ZGRF1: variants seen among roughly 807,000 people sequenced by gnomAD.
ZGRF1 encodes 5'-3' DNA helicase ZGRF1.
ZGRF1 carries 196 observed loss-of-function variants against 203.5 expected under a neutral mutation model. The ratio of observed to expected loss-of-function variants is 0.96; its 90% CI spans 0.86 to 1.08. The LOEUF (loss-of-function observed/expected upper bound fraction) is 1.08, where lower values mean the gene tolerates loss of function less well. Among genes scored for constraint, ZGRF1 ranks in the 50% least tolerant of loss-of-function variants. The probability of loss-of-function intolerance (pLI) is 0.00; values close to 1 mark genes in which losing one functional copy is unlikely to be tolerated. For missense variants in ZGRF1, 2,326 were observed against 2,416.3 expected (o/e 0.96, Z 0.78); for synonymous variants, 809 against 841.3 (o/e 0.96, Z 0.66).
At position 112,617,908 on chromosome 4, in the gene ZGRF1, G is replaced by A; in HGVS notation, c.2134C>T (p.Gln712Ter). ...SNLFSEDAQP[Q>*]PFILGSDLDK... ...AAGTCACTTCCCAAAATAAAAGGCTGAGGTTGAGCATCTTCTGAAAATAGA... is the reference window on the plus strand; with the variant it reads ...AAGTCACTTCCCAAAATAAAAGGCTAAGGTTGAGCATCTTCTGAAAATAGA... Residue 712 changes from glutamine to a stop codon, truncating the protein, a stop_gained, in exon 6 of 28, where the codon CAG (glutamine) becomes TAG (stop). Transcript: ENST00000505019. LOFTEE classifies it high-confidence loss of function. The A allele has an allele frequency of 6.2e-7, 1 of 1,613,790 alleles. No homozygotes were observed. The highest frequency in any genetic ancestry group is 8.5e-7 in the Non-Finnish European group (1 of 1,179,912).
chr4:112,616,106 A>G (rs2046860079), intron 6 of ZGRF1, among the ~76,000 whole-genome samples: 1 of 152,208 alleles, frequency 6.6e-6, no homozygotes, highest in African/African-American at 2.4e-5. Context: ...ATAAATTTGT[A>G]AAGGTTTCTT....
At chr4:112,549,212 A>G (rs963392714) in intron 22 of ZGRF1, among the ~76,000 whole-genome samples, 1 of 152,202 alleles carries the variant, frequency 6.6e-6, no homozygotes, top group Non-Finnish European at 1.5e-5. Flanking sequence ...TAAGTTACAC[A>G]TTATAGCAGC....
intron 10 of ZGRF1, among the ~76,000 whole-genome samples, chr4:112,596,597 T>C (rs1367577155): frequency 6.6e-6 from 1 of 152,006 alleles, no homozygotes; most frequent in East Asian, 1.9e-4. Flanking sequence ...ATCAGGATTT[T>C]TTTTTTTGTT....
chr4:112,597,226 A>G (rs1000110981), intron 10 of ZGRF1, among the ~76,000 whole-genome samples: 5 of 150,226 alleles, frequency 3.3e-5, no homozygotes, highest in Admixed American at 6.6e-5. Flanking sequence ...AAAAAAAAAA[A>G]AAAAAATTCT....
chr4:112,602,969 G>A (rs1237724027), intron 10 of ZGRF1, among the ~76,000 whole-genome samples: 2 of 152,056 alleles, frequency 1.3e-5, no homozygotes, highest in Non-Finnish European at 2.9e-5. Flanking sequence ...GGTTATATGA[G>A]TATGCTTTGT....
At position 112,584,009 on chromosome 4, in the gene ZGRF1, G is replaced by C. The variant is rs756039979; in HGVS notation, c.4267C>G (p.Pro1423Ala). Residue 1423 changes from proline to alanine, a missense_variant, in exon 15 of 28, where the codon CCA becomes GCA. By Grantham distance (27) the Pro-to-Ala change is conservative. Coordinates refer to ENST00000505019, the MANE Select transcript of ZGRF1 (RefSeq NM_018392.5). ...AAAAGCTGGCATTCCTCATAAAGTGGTATCTTTTGACTTCTTAAATATAAG... is the reference window on the plus strand; with the variant it reads ...AAAAGCTGGCATTCCTCATAAAGTGCTATCTTTTGACTTCTTAAATATAAG... ...IGLYLRSQKI[P>A]LYEECQLLVR... 3 of 1,607,388 alleles carry C rather than the reference G, an allele frequency of 1.9e-6. No individual in the cohort carries two copies. The highest frequency in any genetic ancestry group is 2.5e-6 in the Non-Finnish European group (3 of 1,177,858).
chr4:112,609,056 A>G (rs1751190948), intron 8 of ZGRF1, among the ~76,000 whole-genome samples: 1 of 151,790 alleles, frequency 6.6e-6, no homozygotes, highest in Admixed American at 6.6e-5. Context: ...ATAATTGGCT[A>G]ATTTTTTTTT....
chr4:112,607,252 T>G (rs2149109926), intron 8 of ZGRF1, among the ~76,000 whole-genome samples: 2 of 152,194 alleles, frequency 1.3e-5, no homozygotes, highest in South Asian at 4.1e-4. Context: ...ACCTCTTGAG[T>G]AACTGGGACT....
At chr4:112,621,794 C>A (rs549668717) in intron 4 of ZGRF1, among the ~76,000 whole-genome samples, 1 of 151,192 alleles carries the variant, frequency 6.6e-6, no homozygotes, top group East Asian at 2.0e-4. Flanking sequence ...ACAGCGCAAT[C>A]TCGGCTCACC....
chr4:112,565,022 C>T (rs1742758927), intron 16 of ZGRF1: 1 of 974,778 alleles, frequency 1.0e-6, no homozygotes, highest in Non-Finnish European at 1.7e-6. Flanking sequence ...CACAAATCAA[C>T]CGGTGGTAAA....
rs78754080 is a variant in ZGRF1 at position 112,563,029 on chromosome 4, G to A, written c.4582+102C>T. ...CAGGAACTCACTGTACACAACAGTC[G>A]AAACTAGAGTTGGGTCCTTTTTGTT... On this transcript the variant is annotated intron_variant, in intron 17 of 27. Transcript: ENST00000505019. 6,259 of 910,602 alleles carry A rather than the reference G, an allele frequency of 6.9e-3. 233 individuals are homozygous for A. In the East Asian group the frequency reaches 0.099, roughly 14 times the overall value. 56.4% of individuals were successfully genotyped at this position (910,602 alleles called of 1,614,324 possible). A position where few individuals can be genotyped will look rare whatever the true frequency, so the allele number is the denominator to read the frequency against.
intron 16 of ZGRF1, among the ~76,000 whole-genome samples, chr4:112,573,481 A>T (rs1417546111): frequency 2.0e-5 from 3 of 152,150 alleles, no homozygotes; most frequent in African/African-American, 7.2e-5. Context: ...TAGGTGTAGC[A>T]AAATCTCAGA....
In ZGRF1 at chr4:112,617,581, C is replaced by G; in HGVS notation, c.2461G>C (p.Gly821Arg). Residue 821 changes from glycine (G) to arginine (R), a missense_variant, in exon 6 of 28, where the codon GGA becomes CGA. By Grantham distance (125) the Gly-to-Arg change is moderately radical. Transcript: ENST00000505019. ...WNPRNSSELS[G>R]LVNTISILKS... is the part of the protein sequence containing the mutation. ...AAAATAGAAATGGTATTTACTAATC[C>G]AGAAAGTTCTGAAGAATTTCTAGGA... 6.2e-7 allele frequency: 1 copy of G among 1,613,786 alleles called. No homozygotes were observed. The highest frequency in any genetic ancestry group is 8.5e-7 in the Non-Finnish European group (1 of 1,179,902).
In ZGRF1 at chr4:112,618,901, C is replaced by A. The variant is rs2046974362; in HGVS notation, c.1141G>T (p.Glu381Ter). Reference protein sequence around the residue: ...IIQFVETYAEERKKYNVDQSV... With the variant: ...IIQFVETYAE ...TGGTCTACATTATACTTTTTCCTCT[C>A]TTCAGCATACGTTTCAACGAACTGT... Residue 381 changes from glutamate to a stop codon, truncating the protein, a stop_gained, in exon 6 of 28, where the codon GAG (glutamate) becomes TAG (stop). Coordinates refer to ENST00000505019, the MANE Select transcript of ZGRF1 (RefSeq NM_018392.5). LOFTEE classifies it high-confidence loss of function. 1 of 1,613,836 alleles carries A rather than the reference C, an allele frequency of 6.2e-7. No individual in the cohort carries two copies. Among genetic ancestry groups the A allele is most frequent in the Non-Finnish European group, 8.5e-7 (1 of 1,179,852 alleles).
At chr4:112,632,038 G>T in intron 2 of ZGRF1, 28 bp from the exon 3 acceptor site, 1 of 1,164,326 alleles carries the variant, frequency 8.6e-7, no homozygotes, top group Non-Finnish European at 1.2e-6. Flanking sequence ...AAAAGAAATG[G>T]TTTCCATTTA....
intron 14 of ZGRF1, 59 bp from the exon 15 acceptor site, chr4:112,584,233 A>AT: frequency 8.1e-7 from 1 of 1,240,046 alleles, no homozygotes; most frequent in Non-Finnish European, 1.1e-6. Flanking sequence ...TTTTTCGATT[A>AT]TTTTTGTGTT....
intron 3 of ZGRF1, among the ~76,000 whole-genome samples, chr4:112,624,726 T>G (rs2047175044): frequency 6.6e-6 from 1 of 152,180 alleles, no homozygotes; most frequent in Non-Finnish European, 1.5e-5. Context: ...TCTGTAGCCC[T>G]TTTTCATAGC....
At chr4:112,597,286 G>C (rs1209160123) in intron 10 of ZGRF1, among the ~76,000 whole-genome samples, 1 of 151,712 alleles carries the variant, frequency 6.6e-6, no homozygotes. Flanking sequence ...AGCACTTTGG[G>C]AGGCTGAGGC....
In ZGRF1 at chr4:112,540,129, G is replaced by A. The variant is rs187824172; in HGVS notation, c.5911-5C>T. The A allele has an allele frequency of 2.0e-6, 3 of 1,523,654 alleles. No homozygotes were observed. Among genetic ancestry groups the A allele is most frequent in the Non-Finnish European group, 2.7e-6 (3 of 1,131,656 alleles). The allele number at this position is 1,523,654 out of a possible 1,614,324, so 94.4% of individuals were successfully genotyped here. A position where few individuals can be genotyped will look rare whatever the true frequency, so the allele number is the denominator to read the frequency against. On this transcript the variant is annotated splice_polypyrimidine_tract_variant and splice_region_variant and intron_variant, in intron 26 of 27. Transcript: ENST00000505019. The stretch of plus-strand genomic sequence containing the variant: ...AGCACTGAGTAAATGACAAAGCTGT[G>A]GAAGAAAAAACAGCAATCATGTAGT...
Sources: allele counts gnomAD v4.1 joint callset (sites outside exome capture counted in the v4.1 genomes callset), GRCh38; gene constraint gnomAD v4.1.1; transcripts MANE v1.5; gene names NCBI Gene and HGNC (gene_info 2026-07-23, HGNC 2026-07-21).